Variants in ASIC2 observed in about 807,000 individuals in gnomAD.
ASIC2 encodes acid-sensing ion channel 2.
In ASIC2, 25 loss-of-function variants were observed where a neutral mutation model predicts 57.3. The ratio of observed to expected loss-of-function variants is 0.44; its 90% CI spans 0.32 to 0.61. The LOEUF (loss-of-function observed/expected upper bound fraction) is 0.61, where lower values mean the gene tolerates loss of function less well. Ranked by LOEUF, ASIC2 falls within the 20% of genes least tolerant of loss-of-function variation. ASIC2 has a pLI of 0.06. For missense variants in ASIC2, 641 were observed against 738.1 expected (o/e 0.87, Z 1.52); for synonymous variants, 319 against 307.5 (o/e 1.04, Z -0.39).
intron 1 of ASIC2, among the ~76,000 whole-genome samples, chr17:33,417,466 G>GAAT (rs1910887639): frequency 6.6e-6 from 1 of 152,198 alleles, no homozygotes; most frequent in African/African-American, 2.4e-5. Flanking sequence ...GAAACACACA[G>GAAT]AATACATTCA....
intron 1 of ASIC2, among the ~76,000 whole-genome samples, chr17:33,888,856 G>T (rs1431098328): frequency 6.6e-6 from 1 of 152,136 alleles, no homozygotes; most frequent in Non-Finnish European, 1.5e-5. Context: ...GAGGTCATTG[G>T]CTACTTTTGT....
intron 1 of ASIC2, among the ~76,000 whole-genome samples, chr17:33,328,125 C>T (rs1227821090): frequency 2.3e-5 from 3 of 128,594 alleles, no homozygotes; most frequent in Non-Finnish European, 4.9e-5. Context: ...TTAAGTCACT[C>T]AGTTTGCAAC....
rs141224343 is a variant in ASIC2, at chr17:33,682,576, C to T, written c.555+473402G>A. Among the ~76,000 whole-genome samples, 587 of 149,076 alleles carry T rather than the reference C, an allele frequency of 3.9e-3. 9 individuals carry two copies. Among genetic ancestry groups the T allele is most frequent in the African/African-American group, 0.014 (560 of 40,314 alleles). ...AAAAGTTAATCTCTTGCATTCACTC[C>T]TGGCTTAATGCCACAGTCAAATTAG... is the stretch of plus-strand genomic sequence containing the variant. On this transcript the variant is annotated intron_variant, in intron 1 of 9. Coordinates refer to the ASIC2 transcript ENST00000359872.
chr17:33,456,211 C>A (rs942228275), intron 1 of ASIC2, among the ~76,000 whole-genome samples: 6 of 152,146 alleles, frequency 3.9e-5, no homozygotes, highest in African/African-American at 1.4e-4. Flanking sequence ...AGATTGATTT[C>A]CCAGGCTTTG....
intron 1 of ASIC2, among the ~76,000 whole-genome samples, chr17:33,691,273 C>T (rs966706774): frequency 3.9e-5 from 6 of 152,090 alleles, no homozygotes; most frequent in Non-Finnish European, 8.8e-5. Flanking sequence ...AGCATGTGCA[C>T]GTATAATTTT....
rs528001957 is a variant in ASIC2, at chr17:33,259,557, G to C, written c.708+31851C>G. Among the ~76,000 whole-genome samples the C allele has an allele frequency of 2.6e-5, 4 of 152,102 alleles. No homozygotes were observed. In the East Asian group the frequency reaches 7.7e-4, roughly 29 times the overall value. On this transcript the variant is annotated intron_variant, in intron 1 of 9. Coordinates refer to ENST00000225823, the MANE Select transcript of ASIC2 (RefSeq NM_183377.2). Reference sequence around the variant, plus strand: ...CCCCCTTTACTGAGCAGTAAATTAAGCAACAGGCTGTGTCTTGGTGGTAGA... The same window carrying C: ...CCCCCTTTACTGAGCAGTAAATTAACCAACAGGCTGTGTCTTGGTGGTAGA...
chr17:33,796,205 T>A (rs1391179938), intron 1 of ASIC2, among the ~76,000 whole-genome samples: 6 of 152,102 alleles, frequency 3.9e-5, no homozygotes, highest in African/African-American at 1.4e-4. Context: ...TTGAGAAAAT[T>A]CTCAGTTGAG....
intron 1 of ASIC2, among the ~76,000 whole-genome samples, chr17:33,732,345 A>T (rs1304826205): frequency 6.6e-6 from 1 of 152,200 alleles, no homozygotes; most frequent in Non-Finnish European, 1.5e-5. Flanking sequence ...TAGGTGCTGA[A>T]TATAGAATGG....
intron 2 of ASIC2, among the ~76,000 whole-genome samples, chr17:33,098,977 A>AT (rs1434679131): frequency 6.7e-5 from 10 of 149,682 alleles, no homozygotes; most frequent in Non-Finnish European, 1.2e-4. Flanking sequence ...TATAAACAAA[A>AT]AATATATATA....
intron 1 of ASIC2, among the ~76,000 whole-genome samples, chr17:33,881,149 A>G (rs1376602632): frequency 6.6e-6 from 1 of 152,184 alleles, no homozygotes; most frequent in Non-Finnish European, 1.5e-5. Flanking sequence ...CCCACAACCA[A>G]TATCATACTG....
chr17:33,889,353 C>T (rs1351669895), intron 1 of ASIC2, among the ~76,000 whole-genome samples: 1 of 152,098 alleles, frequency 6.6e-6, no homozygotes, highest in Non-Finnish European at 1.5e-5. Context: ...TGAATTCTCT[C>T]CATAATTTAT....
At chr17:33,037,621 C>T (rs1413447795) in intron 3 of ASIC2, among the ~76,000 whole-genome samples, 1 of 152,074 alleles carries the variant, frequency 6.6e-6, no homozygotes, top group African/African-American at 2.4e-5. Context: ...CCTGAAGCAC[C>T]ATCTTCAAAT....
chr17:34,092,163 C>T (rs1910357981), intron 1 of ASIC2, among the ~76,000 whole-genome samples: 1 of 152,166 alleles, frequency 6.6e-6, no homozygotes. Context: ...GTGCAGTGAG[C>T]AGAAGTGTTA....
At chr17:33,443,499 C>T (rs370022501) in intron 1 of ASIC2, among the ~76,000 whole-genome samples, 12 of 144,342 alleles carry the variant, frequency 8.3e-5, no homozygotes, top group African/African-American at 2.1e-4. Context: ...CTGCAAGCTC[C>T]GCCTCCCGGG....
intron 1 of ASIC2, among the ~76,000 whole-genome samples, chr17:33,386,673 CT>C (rs997913809): frequency 9.2e-5 from 14 of 152,204 alleles, no homozygotes; most frequent in African/African-American, 3.4e-4. Context: ...ACATACGCCC[CT>C]GCTCTATGGT....
chr17:34,081,623 C>T (rs578076957), intron 1 of ASIC2, among the ~76,000 whole-genome samples: 1 of 152,328 alleles, frequency 6.6e-6, no homozygotes, highest in African/African-American at 2.4e-5. Flanking sequence ...CTTGAACTTT[C>T]ACTCAAGTTC....
chr17:33,372,606 C>A (rs948441831), intron 1 of ASIC2, among the ~76,000 whole-genome samples: 5 of 152,074 alleles, frequency 3.3e-5, no homozygotes, highest in Non-Finnish European at 1.5e-5. Flanking sequence ...CCACATGGAC[C>A]CTCTGGGCTC....
intron 1 of ASIC2, chr17:34,069,297 T>TGTTC (rs1163064491): frequency 8.2e-6 from 1 of 121,814 alleles, no homozygotes; most frequent in Non-Finnish European, 1.8e-5. Flanking sequence ...TTTCTTTCCT[T>TGTTC]CTTCCTTCCT....
At chr17:33,387,330 C>T (rs1323464987) in intron 1 of ASIC2, among the ~76,000 whole-genome samples, 2 of 152,240 alleles carry the variant, frequency 1.3e-5, no homozygotes, top group East Asian at 3.8e-4. Flanking sequence ...GTGACCCAGT[C>T]CTTGCGGAAC....
Sources: allele counts gnomAD v4.1 joint callset (sites outside exome capture counted in the v4.1 genomes callset), GRCh38; gene constraint gnomAD v4.1.1; transcripts MANE v1.5; gene names NCBI Gene and HGNC (gene_info 2026-07-23, HGNC 2026-07-21).